The following SDK1 variants were observed in gnomAD, a reference collection of about 807,000 sequenced individuals.
The protein encoded by SDK1 is protein sidekick-1.
In SDK1, 157 loss-of-function variants were observed where a neutral mutation model predicts 245.5. That is an observed-to-expected ratio of 0.64 (90% CI 0.56 to 0.73). SDK1 has a LOEUF of 0.73. SDK1 is among the 30% of genes least tolerant of loss of function. SDK1 has a pLI of 0.00. For synonymous variants in SDK1, 1,647 were observed against 1,278.5 expected (o/e 1.29, Z -6.15); for missense variants, 3,583 against 3,002.3 (o/e 1.19, Z -4.52).
chr7:3,908,118 GT>G (rs1779021286), intron 5 of SDK1, among the ~76,000 whole-genome samples: 1 of 152,096 alleles, frequency 6.6e-6, no homozygotes, highest in African/African-American at 2.4e-5. Flanking sequence ...GCTGGCTTCT[GT>G]GATACACACA....
intron 4 of SDK1, among the ~76,000 whole-genome samples, chr7:3,765,365 A>G (rs1324776998): frequency 6.6e-6 from 1 of 152,172 alleles, no homozygotes; most frequent in Non-Finnish European, 1.5e-5. Flanking sequence ...TTGCATCCTT[A>G]CCACCTTGCC....
intron 5 of SDK1, among the ~76,000 whole-genome samples, chr7:3,921,251 T>A (rs995225260): frequency 6.6e-6 from 1 of 152,242 alleles, no homozygotes; most frequent in Admixed American, 6.5e-5. Context: ...CACTGTTTTG[T>A]AAACATTTTT....
At chr7:3,630,948 T>G (rs979126066) in intron 2 of SDK1, among the ~76,000 whole-genome samples, 10 of 152,122 alleles carry the variant, frequency 6.6e-5, no homozygotes, top group Non-Finnish European at 2.9e-5. Flanking sequence ...TTTTTTTTTG[T>G]TTTTGGAGAC....
chr7:3,761,695 A>G lies in SDK1; in HGVS notation c.714-59755A>G, dbSNP rs1474565512. ...ACACAGGAATGACTCAGGAGTTTTG[A>G]TACAAGTTTGATTAGAGAAAATATG... On this transcript the variant is annotated intron_variant, in intron 4 of 44. Coordinates refer to ENST00000404826, the MANE Select transcript of SDK1 (RefSeq NM_152744.4). 2.0e-5 allele frequency among the ~76,000 whole-genome samples: 3 copies of G among 152,048 alleles called. No homozygotes were observed. In the East Asian group the frequency reaches 5.8e-4, roughly 29 times the overall value.
intron 4 of SDK1, among the ~76,000 whole-genome samples, chr7:3,797,458 T>TAC (rs34376723): frequency 0.024 from 3,520 of 147,548 alleles, 65 homozygotes; most frequent in African/African-American, 0.056. Context: ...GGGGTGTGTA[T>TAC]ACACACACAC....
chr7:3,381,567 T>G (rs1781487566), intron 1 of SDK1, among the ~76,000 whole-genome samples: 3 of 152,110 alleles, frequency 2.0e-5, no homozygotes, highest in South Asian at 4.2e-4. Context: ...TTTTAAAGGC[T>G]GGCGATACTG....
Position 3,365,667 on chromosome 7 carries a change from A to G in SDK1, c.298+63783A>G, listed in dbSNP as rs181893312. On this transcript the variant is annotated intron_variant, in intron 1 of 44. Coordinates refer to ENST00000404826, the MANE Select transcript of SDK1 (RefSeq NM_152744.4). ...TAAGATTTCCTTGCAGGTTTTTTTG[A>G]AGGGCATAGTCCTTTCAATATATAC... 4.7e-3 allele frequency among the ~76,000 whole-genome samples: 715 copies of G among 152,296 alleles called. 9 individuals are homozygous for G. Among genetic ancestry groups the G allele is most frequent in the African/African-American group, 0.016 (672 of 41,572 alleles).
At chr7:3,329,736 G>A (rs1016089716) in intron 1 of SDK1, among the ~76,000 whole-genome samples, 3 of 152,046 alleles carry the variant, frequency 2.0e-5, no homozygotes, top group Admixed American at 2.0e-4. Context: ...TTCTACATCT[G>A]GTGTTCAACC....
At chr7:3,543,893 C>T (rs1396128442) in intron 1 of SDK1, among the ~76,000 whole-genome samples, 1 of 152,198 alleles carries the variant, frequency 6.6e-6, no homozygotes, top group Admixed American at 6.5e-5. Flanking sequence ...CAAACACCAA[C>T]AGCCATCTGA....
intron 1 of SDK1, among the ~76,000 whole-genome samples, chr7:3,397,486 C>T (rs888987044): frequency 6.6e-6 from 1 of 151,534 alleles, no homozygotes. Flanking sequence ...TCTTTCCCCC[C>T]CCCAGCGCTT....
intron 1 of SDK1, among the ~76,000 whole-genome samples, chr7:3,575,829 C>G (rs1562574353): frequency 6.6e-6 from 1 of 152,064 alleles, no homozygotes; most frequent in African/African-American, 2.4e-5. Flanking sequence ...TTGTTACAAA[C>G]CAGGAGGCTG....
intron 5 of SDK1, among the ~76,000 whole-genome samples, chr7:3,839,563 G>A (rs1192425096): frequency 6.6e-6 from 1 of 152,020 alleles, no homozygotes; most frequent in Admixed American, 6.6e-5. Context: ...TTTTCTCCAT[G>A]CATACATTTA....
intron 1 of SDK1, among the ~76,000 whole-genome samples, chr7:3,512,156 T>C (rs1114780): frequency 0.26 from 40,226 of 151,836 alleles, 5,524 homozygotes; most frequent in East Asian, 0.33. Flanking sequence ...CACACGTCTT[T>C]TAACTGTCTC....
At chr7:3,309,542 T>TTTTTTTA (rs1554256117) in intron 1 of SDK1, among the ~76,000 whole-genome samples, 11 of 148,652 alleles carry the variant, frequency 7.4e-5, no homozygotes, top group Non-Finnish European at 1.2e-4. Flanking sequence ...TTTTTTTTTT[T>TTTTTTTA]ACATGAGTGT....
chr7:3,456,382 T>TTTTC (rs1780667247), intron 1 of SDK1, among the ~76,000 whole-genome samples: 1 of 152,198 alleles, frequency 6.6e-6, no homozygotes, highest in Admixed American at 6.5e-5. Flanking sequence ...TATTACAGGC[T>TTTTC]CTGAGGTTCA....
intron 38 of SDK1, among the ~76,000 whole-genome samples, chr7:4,210,582 A>G (rs1784461611): frequency 6.6e-6 from 1 of 151,990 alleles, no homozygotes; most frequent in African/African-American, 2.4e-5. Context: ...TACCCTCAGC[A>G]TCCTAGGAGG....
At chr7:3,997,376 C>A (rs1276595179) in intron 14 of SDK1, among the ~76,000 whole-genome samples, 1 of 152,192 alleles carries the variant, frequency 6.6e-6, no homozygotes, top group African/African-American at 2.4e-5. Flanking sequence ...GTCTCTGCAG[C>A]TCTCAGCAGA....
chr7:3,499,608 G>A (rs761815528), intron 1 of SDK1, among the ~76,000 whole-genome samples: 1 of 152,176 alleles, frequency 6.6e-6, no homozygotes, highest in Non-Finnish European at 1.5e-5. Context: ...TTTGCATAAA[G>A]CAGTGTATTG....
intron 18 of SDK1, among the ~76,000 whole-genome samples, chr7:4,051,245 T>C (rs1789454420): frequency 7.0e-6 from 1 of 143,294 alleles, no homozygotes; most frequent in African/African-American, 2.6e-5. Flanking sequence ...ATATAGTATA[T>C]AGGTTGTATA....
Sources: gnomAD v4.1 joint callset for allele counts (sites outside exome capture counted in the v4.1 genomes callset) on GRCh38, gnomAD v4.1.1 for gene constraint, MANE v1.5 for transcripts, NCBI Gene and HGNC (gene_info 2026-07-23, HGNC 2026-07-21) for gene names.